Variants in BEGAIN observed in about 807,000 individuals in gnomAD.
BEGAIN encodes brain enriched guanylate kinase associated, also known as brain-enriched guanylate kinase-associated protein.
In BEGAIN, 19 loss-of-function variants were observed where a neutral mutation model predicts 35.8. That is an observed-to-expected ratio of 0.53 (90% confidence interval 0.37 to 0.78). The LOEUF is 0.78. Ranked by LOEUF, BEGAIN falls within the 30% of genes least tolerant of loss-of-function variation. The probability of loss-of-function intolerance (pLI) is 0.00; values close to 1 mark genes in which losing one functional copy is unlikely to be tolerated. For missense variants in BEGAIN, 795 were observed against 853.6 expected (o/e 0.93, Z 0.85); for synonymous variants, 462 against 388.6 (o/e 1.19, Z -2.22).
chr14:100,540,546 G>T lies in BEGAIN; in HGVS notation c.442C>A (p.Gln148Lys). 1 of 1,607,918 alleles carries T rather than the reference G, an allele frequency of 6.2e-7. No homozygotes were observed. The change falls in exon 6 of 7, where the codon CAG becomes AAG. Residue 148 changes from glutamine (Q) to lysine (K), a missense_variant. This residue lies in a region of BEGAIN where 73 missense variants were observed against 143.2 expected (regional missense o/e 0.51). Transcript: ENST00000554140. ...LYRKDCNLAA[Q>K]LLQCSQTYGR... ...TAGGTCTGGCTGCACTGCAGCAGCT[G>T]GGCCGCTAGATTGCAGTCCTTCCTA...
chr14:100,541,921 C>T (rs1209330763), intron 5 of BEGAIN, among the ~76,000 whole-genome samples: 4 of 152,190 alleles, frequency 2.6e-5, no homozygotes, highest in Non-Finnish European at 4.4e-5. Flanking sequence ...ACCCAGGGCC[C>T]GGGGCTGCTG....
At chr14:100,578,679 T>C (rs1379239677) in intron 1 of BEGAIN, among the ~76,000 whole-genome samples, 2 of 152,130 alleles carry the variant, frequency 1.3e-5, no homozygotes, top group Admixed American at 1.3e-4. Flanking sequence ...ACCTCCTGCT[T>C]CTTCTCTAGA....
Position 100,543,844 on chromosome 14 carries a change from T to C in BEGAIN, c.408+14A>G. 6.2e-7 allele frequency: 1 copy of C among 1,606,158 alleles called. No individual in the cohort carries two copies. The highest frequency in any genetic ancestry group is 8.5e-7 in the Non-Finnish European group (1 of 1,174,362). ...CCGGCAGTCTTCCATGGGCCAAGTG[T>C]GTGCGGCACTCACGTTGTCCTCTGA... is the stretch of plus-strand genomic sequence containing the variant. On this transcript the variant is annotated intron_variant, in intron 5 of 6. Transcript: ENST00000554140.
intron 1 of BEGAIN, chr14:100,577,566 G>C: frequency 2.5e-6 from 1 of 399,100 alleles, no homozygotes; most frequent in Non-Finnish European, 4.4e-6. Flanking sequence ...GCACCCTGAA[G>C]GCCTCCAGGG....
chr14:100,539,881 G>C (rs976925000), intron 6 of BEGAIN, among the ~76,000 whole-genome samples: 1 of 152,120 alleles, frequency 6.6e-6, no homozygotes, highest in African/African-American at 2.4e-5. Context: ...GATCTATTTT[G>C]TGAGTGTCTC....
intron 5 of BEGAIN, among the ~76,000 whole-genome samples, chr14:100,542,347 C>T (rs1328549057): frequency 6.6e-6 from 1 of 152,222 alleles, no homozygotes; most frequent in Non-Finnish European, 1.5e-5. Context: ...CCTGGTGTCC[C>T]CCAGCCTACT....
chr14:100,584,172 G>C (rs2035386116), intron 1 of BEGAIN, among the ~76,000 whole-genome samples: 1 of 152,162 alleles, frequency 6.6e-6, no homozygotes, highest in Non-Finnish European at 1.5e-5. Flanking sequence ...TTCCATGTCT[G>C]GCTTCCCCAG....
chr14:100,561,975 G>C (rs1440753084), intron 2 of BEGAIN, among the ~76,000 whole-genome samples: 1 of 152,098 alleles, frequency 6.6e-6, no homozygotes, highest in African/African-American at 2.4e-5. Context: ...TCAGTGTCTT[G>C]GTTCCTCACC....
At chr14:100,545,460 T>G (rs1378455587) in intron 3 of BEGAIN, 1 of 1,019,562 alleles carries the variant, frequency 9.8e-7, no homozygotes, top group Non-Finnish European at 1.2e-6. Context: ...GGAAGAAACT[T>G]AACACTAACT....
chr14:100,538,898 C>T lies in BEGAIN; in HGVS notation c.910G>A (p.Glu304Lys), dbSNP rs1162486549. 2.2e-5 allele frequency: 35 copies of T among 1,607,968 alleles called. No homozygotes were observed. The highest frequency in any genetic ancestry group is 2.9e-5 in the Non-Finnish European group (34 of 1,178,348). ...GAGCCTGCGTAGCTGGGGAAGGCCT[C>T]ATGCTGGAAGCCCGCCGGGAAGGCC... ...AAAFPAGFQHEAFPSYAGSLP... is the reference protein window; with the variant it reads ...AAAFPAGFQHKAFPSYAGSLP... The change falls in exon 7 of 7, where the codon GAG (glutamate) becomes AAG (lysine). Residue 304 changes from glutamate to lysine, a missense_variant. This residue lies in a region of BEGAIN where 664 missense variants were observed against 647.7 expected (regional missense o/e 1.03). Transcript: ENST00000554140.
At chr14:100,540,392 G>T in intron 6 of BEGAIN, 104 bp downstream of exon 6, 1 of 885,472 alleles carries the variant, frequency 1.1e-6, no homozygotes, top group Non-Finnish European at 1.8e-6. Flanking sequence ...GGCTCAGCTG[G>T]CATCTTCCTC....
chr14:100,539,170 C>G lies in BEGAIN; in HGVS notation c.638G>C (p.Ser213Thr). ...AKVLEKPDPA[S>T]LSSRLSDASA... ...GGCATCGGACAGGCGGGAGGACAGG[C>G]TGGCGGGGTCCGGCTTCTCCAGCAC... is the stretch of plus-strand genomic sequence containing the variant. The change falls in exon 7 of 7, where the codon AGC (serine) becomes ACC (threonine). Residue 213 changes from serine (S) to threonine (T), a missense_variant. Coordinates refer to ENST00000554140, the MANE Select transcript of BEGAIN (RefSeq NM_001385089.1). 6.3e-7 allele frequency: 1 copy of G among 1,585,746 alleles called. No individual in the cohort carries two copies. Among genetic ancestry groups the G allele is most frequent in the Non-Finnish European group, 8.6e-7 (1 of 1,163,514 alleles).
Position 100,568,893 on chromosome 14 carries a change from A to C in BEGAIN, c.43-954T>G. On this transcript the variant is annotated intron_variant, in intron 1 of 6. Transcript: ENST00000554140. The surrounding 1 kb of genome is among the most constrained non-coding windows in gnomAD (Gnocchi z 7.5). ...GGGGTCCGAGCTCAGGGACCACGCG[A>C]CAGACCTGGGAAGACTGATGACTGC... is the stretch of plus-strand genomic sequence containing the variant. 3.0e-6 allele frequency: 3 copies of C among 985,076 alleles called. No homozygotes were observed. The highest frequency in any genetic ancestry group is 3.6e-6 in the Non-Finnish European group (3 of 830,118). The allele number at this position is 985,076 out of a possible 1,614,324, so 61.0% of individuals were successfully genotyped here. A position where few individuals can be genotyped will look rare whatever the true frequency, so the allele number is the denominator to read the frequency against.
At chr14:100,540,825 C>T (rs1427017615) in intron 5 of BEGAIN, among the ~76,000 whole-genome samples, 1 of 152,204 alleles carries the variant, frequency 6.6e-6, no homozygotes, top group African/African-American at 2.4e-5. Context: ...AGCTGGTGCC[C>T]TTGAGCACTG....
At chr14:100,550,573 G>A (rs566468054) in intron 2 of BEGAIN, 242 of 398,674 alleles carry the variant, frequency 6.1e-4, no homozygotes, top group African/African-American at 4.7e-3. Flanking sequence ...GGGGCCATGC[G>A]TGGCCCACCA....
intron 2 of BEGAIN, among the ~76,000 whole-genome samples, chr14:100,564,215 G>A (rs780851148): frequency 1.6e-4 from 25 of 152,022 alleles, no homozygotes; most frequent in African/African-American, 5.1e-4. Flanking sequence ...CCAGGTGGTC[G>A]TTCTAAACTT....
chr14:100,582,480 A>T (rs1165057477), intron 1 of BEGAIN, among the ~76,000 whole-genome samples: 2 of 152,180 alleles, frequency 1.3e-5, no homozygotes, highest in Non-Finnish European at 2.9e-5. Flanking sequence ...GCAGTTGAGG[A>T]CACTGAGGCT....
At position 100,538,485 on chromosome 14, in the gene BEGAIN, G is replaced by C; in HGVS notation, c.1323C>G (p.Ser441Arg). 1.3e-6 allele frequency: 2 copies of C among 1,556,842 alleles called. No homozygotes were observed. Among genetic ancestry groups the C allele is most frequent in the Non-Finnish European group, 1.7e-6 (2 of 1,156,624 alleles). ...AGGAGTAGGCGCCGATGTCCTCCACGCTCAGGGGACGCCACTGGCCCCTCA... is the reference window on the plus strand; with the variant it reads ...AGGAGTAGGCGCCGATGTCCTCCACCCTCAGGGGACGCCACTGGCCCCTCA... ...EDMRGQWRPLSVEDIGAYSYP... is the reference protein window; with the variant it reads ...EDMRGQWRPLRVEDIGAYSYP... Residue 441 changes from serine to arginine, a missense_variant, in exon 7 of 7, where the codon AGC becomes AGG. Ser to Arg is a moderately radical substitution (Grantham distance 110). This residue lies in a region of BEGAIN where 664 missense variants were observed against 647.7 expected (regional missense o/e 1.03). Coordinates refer to ENST00000554140, the MANE Select transcript of BEGAIN (RefSeq NM_001385089.1).
intron 1 of BEGAIN, among the ~76,000 whole-genome samples, chr14:100,572,778 C>T (rs889461694): frequency 7.9e-5 from 12 of 152,080 alleles, no homozygotes; most frequent in Non-Finnish European, 1.2e-4. Flanking sequence ...GTCCTGGGGA[C>T]GGGGTGTGGC....
Sources: allele counts gnomAD v4.1 joint callset (sites outside exome capture counted in the v4.1 genomes callset), GRCh38; gene constraint gnomAD v4.1.1; regional missense constraint gnomAD v4.1.1; non-coding constraint Gnocchi (gnomAD v3.1); transcripts MANE v1.5; gene names NCBI Gene and HGNC (gene_info 2026-07-23, HGNC 2026-07-21).